Variants in SGCZ observed in about 807,000 individuals in gnomAD.
The protein encoded by SGCZ is zeta-sarcoglycan.
In SGCZ, 40 loss-of-function variants were observed where a neutral mutation model predicts 41.3. That is an observed-to-expected ratio of 0.97 (90% CI 0.75 to 1.26). SGCZ has a LOEUF of 1.26. SGCZ is among the 50% of genes most tolerant of loss of function. The pLI, the probability that SGCZ is intolerant of heterozygous loss-of-function variation, is 0.00. For synonymous variants in SGCZ, 206 were observed against 137.5 expected (o/e 1.50, Z -3.49); for missense variants, 552 against 369.8 (o/e 1.49, Z -4.04).
In SGCZ at chr8:14,126,729, C is replaced by A. The variant is rs112132493; in HGVS notation, c.548-18494G>T. 7.9e-5 allele frequency among the ~76,000 whole-genome samples: 12 copies of A among 152,234 alleles called. 1 individual carries two copies. Among genetic ancestry groups the A allele is most frequent in the African/African-American group, 2.9e-4 (12 of 41,538 alleles). ...ATTGACAGTAGCAAAGACATGGAAC[C>A]AACCCAAATGCCCATCAGTCATCAA... is the stretch of plus-strand genomic sequence containing the variant. On this transcript the variant is annotated intron_variant, in intron 5 of 7. Coordinates refer to ENST00000382080, the MANE Select transcript of SGCZ (RefSeq NM_139167.4).
At chr8:14,479,775 T>C (rs192520767) in intron 2 of SGCZ, among the ~76,000 whole-genome samples, 79 of 142,480 alleles carry the variant, frequency 5.5e-4, no homozygotes, top group Non-Finnish European at 1.1e-3. Context: ...TGAGATGGAG[T>C]TTAGCTCTTG....
At chr8:14,468,549 T>A (rs1467564654) in intron 2 of SGCZ, among the ~76,000 whole-genome samples, 1 of 152,088 alleles carries the variant, frequency 6.6e-6, no homozygotes, top group African/African-American at 2.4e-5. Flanking sequence ...TGGTGCCTCA[T>A]CTAACTCCAC....
Position 14,785,811 on chromosome 8 carries a change from T to C in SGCZ, c.40-230885A>G, listed in dbSNP as rs528655377. Among the ~76,000 whole-genome samples, 14 of 152,268 alleles carry C rather than the reference T, an allele frequency of 9.2e-5. No homozygotes were observed. In the South Asian group the frequency reaches 2.5e-3, roughly 27 times the overall value. ...GCTTTATTCCTAAGCAGGCGTAGGA[T>C]TGTGGTTCTCATATTCATTTTTACT... is the stretch of plus-strand genomic sequence containing the variant. On this transcript the variant is annotated intron_variant, in intron 1 of 7. Transcript: ENST00000382080.
intron 1 of SGCZ, among the ~76,000 whole-genome samples, chr8:15,024,319 A>T (rs1803366751): frequency 6.6e-6 from 1 of 152,202 alleles, no homozygotes; most frequent in East Asian, 1.9e-4. Context: ...CTGGAAAAAA[A>T]ATCTCAATTT....
chr8:15,143,494 T>A (rs182656594), intron 1 of SGCZ, among the ~76,000 whole-genome samples: 3 of 152,338 alleles, frequency 2.0e-5, no homozygotes, highest in African/African-American at 7.2e-5. Context: ...ATGCTCCAGT[T>A]TTCCAAAGTG....
At chr8:14,340,558 A>C (rs1802667860) in intron 2 of SGCZ, among the ~76,000 whole-genome samples, 1 of 152,114 alleles carries the variant, frequency 6.6e-6, no homozygotes, top group Admixed American at 6.6e-5. Context: ...ATTTATCGAA[A>C]TGACCTTTAT....
chr8:14,516,197 G>A (rs890848691), intron 2 of SGCZ, among the ~76,000 whole-genome samples: 3 of 151,390 alleles, frequency 2.0e-5, no homozygotes, highest in Non-Finnish European at 4.4e-5. Flanking sequence ...TTGATACATC[G>A]TAAACTCATG....
intron 2 of SGCZ, among the ~76,000 whole-genome samples, chr8:14,354,797 CATA>C (rs1156262635): frequency 1.3e-5 from 2 of 151,696 alleles, no homozygotes; most frequent in African/African-American, 2.4e-5. Flanking sequence ...TTTAAATTCT[CATA>C]ATTTGTATTT....
chr8:15,210,744 C>T (rs1801209928), intron 1 of SGCZ, among the ~76,000 whole-genome samples: 1 of 152,126 alleles, frequency 6.6e-6, no homozygotes, highest in Admixed American at 6.6e-5. Flanking sequence ...ACACCAGCGC[C>T]CATGCTTAGC....
rs866042399 is a variant in SGCZ at position 14,224,643 on chromosome 8, C to A, written c.424+12949G>T. Among the ~76,000 whole-genome samples, 6 of 152,234 alleles carry A rather than the reference C, an allele frequency of 3.9e-5. No homozygotes were observed. In the South Asian group the frequency reaches 1.2e-3, roughly 32 times the overall value. On this transcript the variant is annotated intron_variant, in intron 4 of 7. Coordinates refer to ENST00000382080, the MANE Select transcript of SGCZ (RefSeq NM_139167.4). ...AGACAGAAAAACAGTAAGTTCATAT[C>A]TGTGGAAGGTCTGACACAGAAAAGC...
chr8:15,184,757 A>G (rs1800285388), intron 1 of SGCZ, among the ~76,000 whole-genome samples: 1 of 152,188 alleles, frequency 6.6e-6, no homozygotes, highest in African/African-American at 2.4e-5. Flanking sequence ...TTAAAGTGTC[A>G]GGCTTTGGTA....
chr8:14,166,201 A>G (rs1804205073), intron 4 of SGCZ, among the ~76,000 whole-genome samples: 1 of 152,212 alleles, frequency 6.6e-6, no homozygotes, highest in Non-Finnish European at 1.5e-5. Context: ...GATTTTTAAA[A>G]ATAGAATTCA....
At chr8:15,117,437 C>G (rs976527821) in intron 1 of SGCZ, among the ~76,000 whole-genome samples, 5 of 151,998 alleles carry the variant, frequency 3.3e-5, no homozygotes, top group Non-Finnish European at 7.4e-5. Flanking sequence ...ATATTATCTC[C>G]AACAAAATGC....
At chr8:14,961,373 G>A (rs1800961842) in intron 1 of SGCZ, among the ~76,000 whole-genome samples, 2 of 152,062 alleles carry the variant, frequency 1.3e-5, no homozygotes, top group Non-Finnish European at 1.5e-5. Context: ...AAAAGTTACA[G>A]GCTGGCTACA....
At chr8:14,799,810 T>C (rs1042088563) in intron 1 of SGCZ, among the ~76,000 whole-genome samples, 1 of 152,166 alleles carries the variant, frequency 6.6e-6, no homozygotes, top group Non-Finnish European at 1.5e-5. Flanking sequence ...GTAATTCACA[T>C]GACCACACCC....
intron 1 of SGCZ, among the ~76,000 whole-genome samples, chr8:15,159,351 G>A (rs1476081952): frequency 6.6e-6 from 1 of 152,094 alleles, no homozygotes; most frequent in East Asian, 1.9e-4. Flanking sequence ...ATGGTTCCCT[G>A]AGTTCTGTGA....
At chr8:14,757,373 T>C (rs905797508) in intron 1 of SGCZ, among the ~76,000 whole-genome samples, 20 of 152,168 alleles carry the variant, frequency 1.3e-4, no homozygotes, top group African/African-American at 4.8e-4. Flanking sequence ...TAACTTTAGC[T>C]TTTCTCTAGC....
intron 1 of SGCZ, among the ~76,000 whole-genome samples, chr8:15,135,862 A>C (rs1585600257): frequency 6.6e-6 from 1 of 152,182 alleles, no homozygotes; most frequent in South Asian, 2.1e-4. Flanking sequence ...GAGCAGGGCT[A>C]CCCCATCCAT....
At chr8:14,123,055 C>T (rs1802748448) in intron 5 of SGCZ, among the ~76,000 whole-genome samples, 1 of 152,034 alleles carries the variant, frequency 6.6e-6, no homozygotes, top group Admixed American at 6.6e-5. Context: ...GTTCTGTCAC[C>T]AAGTGTTGAA....
Sources: allele counts gnomAD v4.1 joint callset (sites outside exome capture counted in the v4.1 genomes callset), GRCh38; gene constraint gnomAD v4.1.1; transcripts MANE v1.5; gene names NCBI Gene and HGNC (gene_info 2026-07-23, HGNC 2026-07-21).